Variants in CTNNA3 observed in about 807,000 individuals in gnomAD.
CTNNA3 encodes the protein catenin alpha 3.
Under a neutral mutation model 95.7 loss-of-function variants are expected in CTNNA3, and 76 were observed. The observed-to-expected ratio is 0.79, with a 90% confidence interval of 0.66 to 0.96. The LOEUF is 0.96. Ranked by LOEUF, CTNNA3 falls within the 40% of genes least tolerant of loss-of-function variation. CTNNA3 has a pLI of 0.00. For missense variants in CTNNA3, 1,191 were observed against 1,089.8 expected (o/e 1.09, Z -1.31); for synonymous variants, 431 against 374.4 (o/e 1.15, Z -1.74).
At chr10:66,917,084 A>G (rs1846528856) in intron 7 of CTNNA3, among the ~76,000 whole-genome samples, 1 of 152,138 alleles carries the variant, frequency 6.6e-6, no homozygotes, top group South Asian at 2.1e-4. Flanking sequence ...ATTTTTTACC[A>G]TCTCATCAAC....
At chr10:66,164,072 G>T (rs1358485816) in intron 13 of CTNNA3, among the ~76,000 whole-genome samples, 1 of 152,166 alleles carries the variant, frequency 6.6e-6, no homozygotes, top group Non-Finnish European at 1.5e-5. Context: ...AAAACTGTTT[G>T]AGAGCGTGCT....
chr10:66,230,155 T>C lies in CTNNA3; in HGVS notation c.1884+50315A>G, dbSNP rs528257371. ...CTATTATTTTTTCTTGGATTGTCTA[T>C]TTGTGTTCTCATGTCTCACTGAGTT... On this transcript the variant is annotated intron_variant, in intron 13 of 17. Coordinates refer to ENST00000433211, the MANE Select transcript of CTNNA3 (RefSeq NM_013266.4). Among the ~76,000 whole-genome samples the C allele has an allele frequency of 4.6e-5, 7 of 152,346 alleles. No individual in the cohort carries two copies. In the East Asian group the frequency reaches 1.3e-3, roughly 29 times the overall value.
rs890915025 is a variant in CTNNA3, at chr10:67,539,432, G to C, written c.459+71C>G. ...AGTGAAGCCAAGATGCACTAGGATCGACGCCAGGTTCAGAGAATGAAATTA... is the reference window on the plus strand; with the variant it reads ...AGTGAAGCCAAGATGCACTAGGATCCACGCCAGGTTCAGAGAATGAAATTA... On this transcript the variant is annotated intron_variant, in intron 4 of 17. Coordinates refer to ENST00000433211, the MANE Select transcript of CTNNA3 (RefSeq NM_013266.4). The C allele has an allele frequency of 5.9e-6, 9 of 1,538,130 alleles. No homozygotes were observed. In the South Asian group the frequency reaches 9.2e-5, roughly 16 times the overall value.
At chr10:67,378,887 T>A (rs1589232154) in intron 5 of CTNNA3, among the ~76,000 whole-genome samples, 1 of 152,198 alleles carries the variant, frequency 6.6e-6, no homozygotes, top group East Asian at 1.9e-4. Flanking sequence ...ATTGAAGCAT[T>A]CTGGACTTTG....
chr10:66,270,792 T>A (rs1222176458), intron 13 of CTNNA3, among the ~76,000 whole-genome samples: 1 of 152,008 alleles, frequency 6.6e-6, no homozygotes, highest in Non-Finnish European at 1.5e-5. Context: ...AGCATCACAG[T>A]TAGAGAGCAC....
intron 7 of CTNNA3, among the ~76,000 whole-genome samples, chr10:66,813,418 T>C (rs1378710882): frequency 2.6e-5 from 4 of 152,200 alleles, no homozygotes; most frequent in African/African-American, 9.6e-5. Flanking sequence ...ATGTTTTAAG[T>C]CATGCTTGTC....
chr10:67,286,594 C>T (rs964133055), intron 5 of CTNNA3, among the ~76,000 whole-genome samples: 3 of 152,180 alleles, frequency 2.0e-5, no homozygotes, highest in African/African-American at 4.8e-5. Flanking sequence ...CAATTACTTA[C>T]TTAAAGTTAT....
rs79988371 is a variant in CTNNA3, at chr10:66,936,307, G to A, written c.1048-160783C>T. ...AAATAGCCAAAAGCTCACATTATACGTTTCTTAATGTTAAAAAAAAAATCC... is the reference window on the plus strand; with the variant it reads ...AAATAGCCAAAAGCTCACATTATACATTTCTTAATGTTAAAAAAAAAATCC... On this transcript the variant is annotated intron_variant, in intron 7 of 17. Transcript: ENST00000433211. Among the ~76,000 whole-genome samples, 167 of 151,654 alleles carry A rather than the reference G, an allele frequency of 1.1e-3. 1 individual carries two copies. The East Asian group carries it at 0.027, about 25-fold the overall frequency.
At chr10:67,591,260 T>C (rs1448823855) in intron 3 of CTNNA3, among the ~76,000 whole-genome samples, 1 of 152,174 alleles carries the variant, frequency 6.6e-6, no homozygotes, top group African/African-American at 2.4e-5. Context: ...AATGGTACTT[T>C]ACCAAACTTT....
chr10:66,288,283 G>A (rs1277484729), intron 12 of CTNNA3, among the ~76,000 whole-genome samples: 1 of 151,898 alleles, frequency 6.6e-6, no homozygotes, highest in East Asian at 1.9e-4. Context: ...AGGTAGAAGG[G>A]ATATGAGAAG....
At chr10:67,717,799 G>T (rs1349302862) in intron 1 of CTNNA3, among the ~76,000 whole-genome samples, 1 of 152,038 alleles carries the variant, frequency 6.6e-6, no homozygotes, top group Admixed American at 6.6e-5. Flanking sequence ...TAGGCTATAC[G>T]GGCTCTTTTT....
At chr10:67,313,443 A>AAAT (rs1564558480) in intron 5 of CTNNA3, among the ~76,000 whole-genome samples, 15 of 145,064 alleles carry the variant, frequency 1.0e-4, no homozygotes, top group South Asian at 2.2e-4. Flanking sequence ...AAAAAAAAAA[A>AAAT]AATAATAATA....
intron 10 of CTNNA3, among the ~76,000 whole-genome samples, chr10:66,563,756 T>G (rs2132141454): frequency 6.6e-6 from 1 of 152,134 alleles, no homozygotes; most frequent in East Asian, 1.9e-4. Context: ...ATGAGACAAA[T>G]GCACATCTGA....
At chr10:66,279,890 T>C (rs1262732805) in intron 13 of CTNNA3, among the ~76,000 whole-genome samples, 2 of 152,020 alleles carry the variant, frequency 1.3e-5, no homozygotes, top group Non-Finnish European at 2.9e-5. Context: ...GGTTTCTGTA[T>C]ATACAGTGTG....
intron 12 of CTNNA3, among the ~76,000 whole-genome samples, chr10:66,360,635 C>CTTTCTTTCTTTCTTTCTTCCTTCCTTCCT (rs1564895971): frequency 7.2e-5 from 4 of 55,408 alleles, no homozygotes; most frequent in African/African-American, 1.9e-4. Context: ...TTCTTTCTTT[C>CTTTCTTTCTTTCTTTCTTCCTTCCTTCCT]TTTCTTTCTT....
chr10:66,877,381 G>A (rs578029589), intron 7 of CTNNA3, among the ~76,000 whole-genome samples: 1 of 152,150 alleles, frequency 6.6e-6, no homozygotes, highest in Admixed American at 6.6e-5. Context: ...CAGGCACATT[G>A]CTTCTCACCT....
chr10:66,473,150 T>C (rs1367066002), intron 11 of CTNNA3, among the ~76,000 whole-genome samples: 1 of 151,998 alleles, frequency 6.6e-6, no homozygotes, highest in Non-Finnish European at 1.5e-5. Context: ...TTATCATTTC[T>C]TTGTGGTGAG....
At chr10:65,945,772 TG>T (rs1371743928) in intron 17 of CTNNA3, among the ~76,000 whole-genome samples, 1 of 152,142 alleles carries the variant, frequency 6.6e-6, no homozygotes, top group African/African-American at 2.4e-5. Flanking sequence ...CCTTCTTCAT[TG>T]GTTTGAAGAT....
chr10:65,916,946 T>C lies in CTNNA3; in HGVS notation c.*3384A>G, dbSNP rs900811812. ...TTTAATTTGAGGAGCATTAATTATT[T>C]GGTCTGAAGGCCCAAGTTGCGCACT... On this transcript the variant is annotated 3_prime_UTR_variant, in exon 18 of 18. Transcript: ENST00000433211. 1 of 152,194 alleles carries C rather than the reference T, an allele frequency of 6.6e-6. No homozygotes were observed. The highest frequency in any genetic ancestry group is 1.5e-5 in the Non-Finnish European group (1 of 68,042). The allele number at this position is 152,194 out of a possible 1,614,324, so 9.4% of individuals were successfully genotyped here.
Sources: allele counts gnomAD v4.1 joint callset (sites outside exome capture counted in the v4.1 genomes callset), GRCh38; gene constraint gnomAD v4.1.1; transcripts MANE v1.5; gene names NCBI Gene and HGNC (gene_info 2026-07-23, HGNC 2026-07-21).